The following PLCH2 variants were observed in gnomAD, a reference collection of about 807,000 sequenced individuals.
PLCH2 encodes the protein phospholipase C eta 2.
A neutral mutation model predicts 134.7 loss-of-function variants in PLCH2; 98 were observed. The ratio of observed to expected loss-of-function variants is 0.73; its 90% CI spans 0.62 to 0.86. PLCH2 has a LOEUF of 0.86. Among genes scored for constraint, PLCH2 ranks in the 40% least tolerant of loss-of-function variants. The pLI, the probability that PLCH2 is intolerant of heterozygous loss-of-function variation, is 0.00. For missense variants in PLCH2, 1,994 were observed against 1,986.6 expected, an observed-to-expected ratio of 1.00 and a Z score of -0.07; for synonymous variants, 974 against 827.5, an observed-to-expected ratio of 1.18 and a Z score of -3.04.
intron 2 of PLCH2, among the ~76,000 whole-genome samples, chr1:2,447,773 C>T (rs1219265515): frequency 2.0e-5 from 3 of 152,220 alleles, no homozygotes; most frequent in Non-Finnish European, 4.4e-5. Flanking sequence ...GGGGCAGCTG[C>T]TCTCTGAGTC....
chr1:2,502,643 G>A, intron 21 of PLCH2: 1 of 678,162 alleles, frequency 1.5e-6, no homozygotes, highest in South Asian at 1.6e-5. Context: ...CTCACTGGGG[G>A]CCCCCTGCTG....
rs1640040020 is a variant in PLCH2 at position 2,448,381 on chromosome 1, TGGG to T, written c.115+17753_115+17755del. 6.6e-6 allele frequency among the ~76,000 whole-genome samples: 1 copy of T among 152,040 alleles called. No homozygotes were observed. Among genetic ancestry groups the T allele is most frequent in the East Asian group, 1.9e-4 (1 of 5,166 alleles). On this transcript the variant is annotated intron_variant, in intron 2 of 3. Transcript: ENST00000609981. This position sits in a 1 kb window ranked among gnomAD's most constrained non-coding sequence, Gnocchi z 4.0. ...AGCTTCTGGTGGCTCTGGCGTCCCT[TGGG>T]TTGTGGCCGCCTCCTGCTTCTGCCT...
At chr1:2,502,996 G>A (rs1226270868) in intron 21 of PLCH2, 11 of 716,140 alleles carry the variant, frequency 1.5e-5, no homozygotes, top group South Asian at 3.0e-5. Flanking sequence ...CTGCGTGGAC[G>A]GTGTCGCCTC....
chr1:2,469,434 G>A (rs1446803566), intron 1 of PLCH2, among the ~76,000 whole-genome samples: 4 of 152,238 alleles, frequency 2.6e-5, no homozygotes, highest in Admixed American at 1.3e-4. Context: ...CGCCGAGGAC[G>A]GAGCAGATGG....
rs184570171 is a variant in PLCH2, at chr1:2,502,162, C to T, written c.2712C>T (p.Pro904=). The change falls in exon 21 of 22, where the codon CCC becomes CCT. Residue 904 remains proline, a synonymous_variant. Coordinates refer to ENST00000378486, the MANE Select transcript of PLCH2 (RefSeq NM_014638.4). ...GCCTCTTCCTCCGAGGCCCAAAGCCCGGCTCGCTGGACAGTCATGCTGCTG... is the reference window on the plus strand; with the variant it reads ...GCCTCTTCCTCCGAGGCCCAAAGCCTGGCTCGCTGGACAGTCATGCTGCTG... ...LKGLFLRGPK[P]GSLDSHAAGR... The T allele has an allele frequency of 3.9e-4, 588 of 1,501,834 alleles. 3 individuals carry two copies. The East Asian group carries it at 0.01, about 26-fold the overall frequency. The allele number at this position is 1,501,834 out of a possible 1,614,324, so 93.0% of individuals were successfully genotyped here.
At chr1:2,431,913 C>T (rs1393821348) in intron 2 of PLCH2, among the ~76,000 whole-genome samples, 1 of 152,128 alleles carries the variant, frequency 6.6e-6, no homozygotes, top group Admixed American at 6.5e-5. Flanking sequence ...TCCTTTGAGT[C>T]GGTGCCTGCC....
At position 2,496,811 on chromosome 1, in the gene PLCH2, G is replaced by T; in HGVS notation, c.1934-17G>T. On this transcript the variant is annotated splice_polypyrimidine_tract_variant and intron_variant, in intron 14 of 21. Coordinates refer to ENST00000378486, the MANE Select transcript of PLCH2 (RefSeq NM_014638.4). ...GTCGAGGACTGGCAGTCTGATGCCC[G>T]GTCACCGGCGCCACAGCGGCGTCCA... 6.2e-7 allele frequency: 1 copy of T among 1,610,686 alleles called. No individual in the cohort carries two copies. Among genetic ancestry groups the T allele is most frequent in the Non-Finnish European group, 8.5e-7 (1 of 1,178,098 alleles).
chr1:2,505,359 C>T lies in PLCH2; in HGVS notation c.*146C>T. On this transcript the variant is annotated 3_prime_UTR_variant, in exon 22 of 22. Transcript: ENST00000378486. Reference sequence around the variant, plus strand: ...CCTCCACCCCTGCCTCCCTCCTGCCCCTGCTCCCGGGGAGGAAAGGCTAAA... The same window carrying T: ...CCTCCACCCCTGCCTCCCTCCTGCCTCTGCTCCCGGGGAGGAAAGGCTAAA... The T allele has an allele frequency of 1.6e-6, 1 of 629,494 alleles. No individual in the cohort carries two copies. The highest frequency in any genetic ancestry group is 2.7e-6 in the Non-Finnish European group (1 of 373,452). The allele number at this position is 629,494 out of a possible 1,614,324, so 39.0% of individuals were successfully genotyped here. A position where few individuals can be genotyped will look rare whatever the true frequency, so the allele number is the denominator to read the frequency against.
intron 2 of PLCH2, among the ~76,000 whole-genome samples, chr1:2,435,047 G>A (rs79243749): frequency 0.015 from 2,253 of 152,332 alleles, 56 homozygotes; most frequent in African/African-American, 0.051. Flanking sequence ...GAACACCGGG[G>A]CGCAGGGACT....
chr1:2,476,793 T>TG, intron 1 of PLCH2, 81 bp downstream of exon 1: 2 of 1,408,570 alleles, frequency 1.4e-6, no homozygotes, highest in Admixed American at 5.0e-5. Context: ...TTCCTGGAGG[T>TG]GGGGGAAGCC....
Position 2,498,909 on chromosome 1 carries a change from G to T in PLCH2, c.2434+81G>T. ...TTGGGGCTACCTGGTGTGCCCGGGTGCCCTGCCCAGGCCTCCCTCAGTGAC... is the reference window on the plus strand; with the variant it reads ...TTGGGGCTACCTGGTGTGCCCGGGTTCCCTGCCCAGGCCTCCCTCAGTGAC... On this transcript the variant is annotated intron_variant, in intron 18 of 21. Coordinates refer to ENST00000378486, the MANE Select transcript of PLCH2 (RefSeq NM_014638.4). This position sits in a 1 kb window ranked among gnomAD's most constrained non-coding sequence, Gnocchi z 5.4. The T allele has an allele frequency of 7.4e-7, 1 of 1,352,532 alleles. No individual in the cohort carries two copies. The allele number at this position is 1,352,532 out of a possible 1,614,324, so 83.8% of individuals were successfully genotyped here. A position where few individuals can be genotyped will look rare whatever the true frequency, so the allele number is the denominator to read the frequency against.
chr1:2,487,045 A>T (rs1558009796), intron 6 of PLCH2, 45 bp downstream of exon 6: 1 of 1,533,328 alleles, frequency 6.5e-7, no homozygotes, highest in Non-Finnish European at 8.9e-7. Flanking sequence ...GGGATGCTGG[A>T]GGGGCAACGA....
Position 2,495,481 on chromosome 1 carries a change from C to G in PLCH2, c.1753-7C>G, listed in dbSNP as rs111845387. 7.1e-6 allele frequency: 11 copies of G among 1,550,862 alleles called. No individual in the cohort carries two copies. Among genetic ancestry groups the G allele is most frequent in the South Asian group, 3.6e-5 (3 of 84,026 alleles). ...CCCTACAGCTCACACCTCTGCCCCC[C>G]GCACAGAAGAAGGGCAGCAAGCTGA... is the stretch of plus-strand genomic sequence containing the variant. On this transcript the variant is annotated splice_region_variant and splice_polypyrimidine_tract_variant and intron_variant, in intron 12 of 21. Coordinates refer to ENST00000378486, the MANE Select transcript of PLCH2 (RefSeq NM_014638.4).
chr1:2,495,007 AGTGCCCCGTG>A, intron 12 of PLCH2, 59 bp downstream of exon 12: 1 of 1,157,100 alleles, frequency 8.6e-7, no homozygotes, highest in African/African-American at 2.0e-5. Context: ...CCCTGCTCCC[AGTGCCCCGTG>A]TCCTCCCTGC....
intron 2 of PLCH2, among the ~76,000 whole-genome samples, chr1:2,441,182 G>C (rs1304600569): frequency 1.3e-5 from 2 of 152,216 alleles, no homozygotes; most frequent in African/African-American, 4.8e-5. Flanking sequence ...AGCCCCTAGA[G>C]GGCCGGGGGA....
chr1:2,486,024 C>G (rs2100677807), intron 5 of PLCH2, among the ~76,000 whole-genome samples: 1 of 152,282 alleles, frequency 6.6e-6, no homozygotes, highest in Admixed American at 6.5e-5. Context: ...CACCAGTTGG[C>G]TAGACCCCAC....
At position 2,478,576 on chromosome 1, in the gene PLCH2, C is replaced by T; in HGVS notation, c.225C>T (p.Arg75=). ...LVRFYYLDEH[R]SCIRWRPSRK... ...GCTTCTACTACCTGGACGAGCACCG[C>T]TCCTGCATCCGCTGGAGGCCCTCAC... Residue 75 remains arginine, a synonymous_variant, in exon 2 of 22, where the codon CGC becomes CGT. Transcript: ENST00000378486. 1.9e-6 allele frequency: 3 copies of T among 1,612,326 alleles called. No homozygotes were observed. The highest frequency in any genetic ancestry group is 2.5e-6 in the Non-Finnish European group (3 of 1,179,636).
rs369392614 is a variant in PLCH2 at position 2,489,838 on chromosome 1, G to T, written c.1486G>T (p.Asp496Tyr). The change falls in exon 10 of 22, where the codon GAC (aspartate) becomes TAC (tyrosine). Residue 496 changes from aspartate (D) to tyrosine (Y), a missense_variant. This residue lies in a region of PLCH2 where 1,094 missense variants were observed against 1,234.3 expected (regional missense o/e 0.89). Transcript: ENST00000378486. ...VSDEDSADEI[D>Y]DDCKLLNGDA... ...TGATGAGGACAGTGCTGATGAGATT[G>T]ACGATGACTGCAAGCTCCTCAATGG... is the stretch of plus-strand genomic sequence containing the variant. The T allele has an allele frequency of 6.2e-7, 1 of 1,613,318 alleles. No individual in the cohort carries two copies. The highest frequency in any genetic ancestry group is 1.3e-5 in the African/African-American group (1 of 74,950).
At position 2,469,093 on chromosome 1, in the gene PLCH2, A is replaced by T. The variant is rs192176479; in HGVS notation, c.43+1431A>T. ...TCACTCCAGGTGCACCCACTCGCTGACCGCAGCCCCCATCCCAGGGCTCTC... is the reference window on the plus strand; with the variant it reads ...TCACTCCAGGTGCACCCACTCGCTGTCCGCAGCCCCCATCCCAGGGCTCTC... On this transcript the variant is annotated intron_variant, in intron 1 of 21. Coordinates refer to the PLCH2 transcript ENST00000449969. Among the ~76,000 whole-genome samples, 588 of 152,224 alleles carry T rather than the reference A, an allele frequency of 3.9e-3. 2 individuals carry two copies. The highest frequency in any genetic ancestry group is 0.031 in the Middle Eastern group (9 of 294).
Sources: allele counts gnomAD v4.1 joint callset (sites outside exome capture counted in the v4.1 genomes callset), GRCh38; gene constraint gnomAD v4.1.1; regional missense constraint gnomAD v4.1.1; non-coding constraint Gnocchi (gnomAD v3.1); transcripts MANE v1.5; gene names NCBI Gene and HGNC (gene_info 2026-07-23, HGNC 2026-07-21).